Variants in ABCC4 observed in about 807,000 individuals in gnomAD.
ABCC4 encodes the protein ATP-binding cassette sub-family C member 4.
In ABCC4, 102 loss-of-function variants were observed where a neutral mutation model predicts 168.5. The ratio of observed to expected loss-of-function variants is 0.61; its 90% confidence interval spans 0.52 to 0.71. The LOEUF is 0.71. Ranked by LOEUF, ABCC4 falls within the 30% of genes least tolerant of loss-of-function variation. The pLI is 0.00. For synonymous variants in ABCC4, 617 were observed against 590.7 expected, an observed-to-expected ratio of 1.04 and a Z score of -0.65; for missense variants, 1,402 against 1,605.8, an observed-to-expected ratio of 0.87 and a Z score of 2.17.
chr13:95,239,321 T>A (rs928704183), intron 3 of ABCC4, among the ~76,000 whole-genome samples: 1 of 152,110 alleles, frequency 6.6e-6, no homozygotes, highest in Non-Finnish European at 1.5e-5. Context: ...GAGATACAGA[T>A]GTAAGAGTAA....
chr13:95,261,214 G>A (rs777362318), intron 1 of ABCC4, among the ~76,000 whole-genome samples: 2 of 151,958 alleles, frequency 1.3e-5, no homozygotes, highest in South Asian at 2.1e-4. Flanking sequence ...TTGGGAGGCC[G>A]AGGTGGGCAA....
At chr13:95,176,428 G>A (rs927142214) in intron 13 of ABCC4, among the ~76,000 whole-genome samples, 4 of 152,062 alleles carry the variant, frequency 2.6e-5, no homozygotes, top group South Asian at 2.1e-4. Flanking sequence ...CCAGGAGGTC[G>A]AGGCTGCAGT....
chr13:95,211,458 T>C (rs560787409), intron 4 of ABCC4, among the ~76,000 whole-genome samples: 2 of 152,014 alleles, frequency 1.3e-5, no homozygotes, highest in African/African-American at 2.4e-5. Flanking sequence ...AGGGACTTTA[T>C]GGAGGGAAGG....
intron 19 of ABCC4, among the ~76,000 whole-genome samples, chr13:95,152,050 C>T (rs777685277): frequency 1.2e-4 from 18 of 152,200 alleles, no homozygotes; most frequent in Non-Finnish European, 1.9e-4. Context: ...CTTCAACACA[C>T]AACTAAACCC....
intron 19 of ABCC4, among the ~76,000 whole-genome samples, chr13:95,157,863 A>G (rs949308488): frequency 6.6e-6 from 1 of 151,986 alleles, no homozygotes; most frequent in Non-Finnish European, 1.5e-5. Flanking sequence ...CGAGGTCAGG[A>G]GATCGAGACC....
Position 95,049,361 on chromosome 13 carries a change from G to A in ABCC4, c.3456+3734C>T, listed in dbSNP as rs2032728540. 2.6e-5 allele frequency among the ~76,000 whole-genome samples: 4 copies of A among 151,482 alleles called. No individual in the cohort carries two copies. The South Asian group carries it at 8.3e-4, about 32-fold the overall frequency. ...AAAATAAATAAATAAATAAAAATAG[G>A]CCAGGCGCGGTGGCTCACGCCTGTA... On this transcript the variant is annotated intron_variant, in intron 27 of 30. Transcript: ENST00000645237.
chr13:95,115,907 T>C lies in ABCC4; in HGVS notation c.2535+15A>G. On this transcript the variant is annotated intron_variant, in intron 20 of 30. Transcript: ENST00000645237. ...CGTTTTCCATTTGAGATCCTGACAT[T>C]ACTCTCAACGTTACCTGGATGAAAT... 6.2e-7 allele frequency: 1 copy of C among 1,603,310 alleles called. No homozygotes were observed. Among genetic ancestry groups the C allele is most frequent in the South Asian group, 1.1e-5 (1 of 89,806 alleles).
intron 19 of ABCC4, among the ~76,000 whole-genome samples, chr13:95,136,953 C>T (rs1468518043): frequency 6.6e-6 from 1 of 152,210 alleles, no homozygotes; most frequent in African/African-American, 2.4e-5. Context: ...CAGAGTTGGG[C>T]CAGGGATAGA....
At chr13:95,248,995 G>A (rs1179655596) in intron 1 of ABCC4, among the ~76,000 whole-genome samples, 5 of 152,116 alleles carry the variant, frequency 3.3e-5, no homozygotes, top group Admixed American at 6.5e-5. Flanking sequence ...AGCTGAGATC[G>A]ATGCCACTGC....
intron 1 of ABCC4, among the ~76,000 whole-genome samples, chr13:95,300,551 GAC>G (rs2041648493): frequency 6.6e-6 from 1 of 152,118 alleles, no homozygotes; most frequent in African/African-American, 2.4e-5. Flanking sequence ...GACCCACATG[GAC>G]ACACAGTGAG....
intron 19 of ABCC4, among the ~76,000 whole-genome samples, chr13:95,138,962 G>A (rs1278948897): frequency 6.6e-6 from 1 of 152,204 alleles, no homozygotes; most frequent in African/African-American, 2.4e-5. Flanking sequence ...ACAGGTCCGT[G>A]AGAGATCCTT....
intron 10 of ABCC4, 78 bp downstream of exon 10, chr13:95,188,375 G>A (rs917805611): frequency 1.8e-5 from 23 of 1,302,168 alleles, no homozygotes; most frequent in South Asian, 7.1e-5. Flanking sequence ...TGTGTTACAC[G>A]TAGCCTTGGG....
intron 4 of ABCC4, among the ~76,000 whole-genome samples, chr13:95,211,856 A>G (rs898163983): frequency 6.6e-6 from 1 of 152,154 alleles, no homozygotes; most frequent in Admixed American, 6.5e-5. Flanking sequence ...TGGGAAAAAA[A>G]GGGCCAGATA....
chr13:95,218,988 T>A (rs113820963), intron 4 of ABCC4, among the ~76,000 whole-genome samples: 2,408 of 16,406 alleles, frequency 0.15, 114 homozygotes, highest in Middle Eastern at 0.28. Flanking sequence ...AAAGAAAGAG[T>A]GAGAAAGAAA....
At chr13:95,108,612 TG>T (rs2035089032) in intron 20 of ABCC4, among the ~76,000 whole-genome samples, 1 of 152,080 alleles carries the variant, frequency 6.6e-6, no homozygotes. Flanking sequence ...CCCAGCCACA[TG>T]GAACTGTGAG....
At chr13:95,062,550 T>C (rs867966796) in intron 26 of ABCC4, among the ~76,000 whole-genome samples, 154 bp downstream of exon 26, 37 of 149,320 alleles carry the variant, frequency 2.5e-4, no homozygotes, top group Admixed American at 5.3e-4. Context: ...CTGATGAAAA[T>C]ACCTGTTGAA....
intron 30 of ABCC4, among the ~76,000 whole-genome samples, chr13:95,025,511 C>G (rs1593959452): frequency 1.2e-5 from 1 of 83,628 alleles, no homozygotes; most frequent in South Asian, 4.3e-4. Context: ...TGCATCCCCC[C>G]CACCACACAC....
At chr13:95,246,894 T>C in intron 3 of ABCC4, 81 bp downstream of exon 3, 1 of 1,487,094 alleles carries the variant, frequency 6.7e-7, no homozygotes, top group Non-Finnish European at 9.2e-7. Flanking sequence ...TGTTCCCCCA[T>C]CCATTACAGC....
intron 4 of ABCC4, 92 bp from the exon 5 acceptor site, chr13:95,210,873 T>C (rs1250823231): frequency 6.6e-6 from 6 of 903,380 alleles, no homozygotes; most frequent in Non-Finnish European, 1.1e-5. Flanking sequence ...TCTCGTGTGA[T>C]GTCAAGACCA....
Sources: allele counts gnomAD v4.1 joint callset (sites outside exome capture counted in the v4.1 genomes callset), GRCh38; gene constraint gnomAD v4.1.1; transcripts MANE v1.5; gene names NCBI Gene and HGNC (gene_info 2026-07-23, HGNC 2026-07-21).